GSTA4: variants seen among roughly 807,000 people sequenced by gnomAD.
The protein encoded by GSTA4 is glutathione S-transferase alpha 4, also known as glutathione S-transferase A4.
GSTA4 carries 15 observed loss-of-function variants against 24.4 expected under a neutral mutation model. The observed-to-expected ratio is 0.61, with a 90% CI of 0.41 to 0.95. The LOEUF (loss-of-function observed/expected upper bound fraction) is 0.95. GSTA4 is among the 40% of genes least tolerant of loss of function. GSTA4 has a pLI of 0.00. For synonymous variants in GSTA4, 92 were observed against 94.2 expected (o/e 0.98, Z 0.13); for missense variants, 244 against 262.1 (o/e 0.93, Z 0.48).
Position 52,978,172 on chromosome 6 carries a change from C to T in GSTA4, c.*298G>A, listed in dbSNP as rs1763380836. On this transcript the variant is annotated 3_prime_UTR_variant, in exon 7 of 7. Coordinates refer to ENST00000370963, the MANE Select transcript of GSTA4 (RefSeq NM_001512.4). ...AGACACTCAGGAGAGAACAAGAGATCCTGCCCATTCTTATTATGAGGATGA... is the reference window on the plus strand; with the variant it reads ...AGACACTCAGGAGAGAACAAGAGATTCTGCCCATTCTTATTATGAGGATGA... 1 of 312,766 alleles carries T rather than the reference C, an allele frequency of 3.2e-6. No homozygotes were observed. Among genetic ancestry groups the T allele is most frequent in the African/African-American group, 2.3e-5 (1 of 44,372 alleles). 19.4% of individuals were successfully genotyped at this position (312,766 alleles called of 1,614,324 possible).
intron 2 of GSTA4, among the ~76,000 whole-genome samples, chr6:52,991,255 G>A (rs1421659039): frequency 3.3e-5 from 5 of 152,156 alleles, no homozygotes; most frequent in Non-Finnish European, 7.4e-5. Context: ...ATAAACATAG[G>A]TGAAATGATG....
Position 52,985,498 on chromosome 6 carries a change from T to G in GSTA4, c.225A>C (p.Ile75=). Residue 75 remains isoleucine (I), a synonymous_variant, in exon 4 of 7, where the codon ATA becomes ATC. Coordinates refer to ENST00000370963, the MANE Select transcript of GSTA4 (RefSeq NM_001512.4). ...TGCCAAAGAGATTGTGCTTGTCTGC[T>G]ATGTAGTGGAGAATGCTTCGGGTCT... ...LVQTRSILHY[I]ADKHNLFGKN... is the part of the protein sequence containing the mutation. 6.2e-7 allele frequency: 1 copy of G among 1,614,098 alleles called. No homozygotes were observed. The highest frequency in any genetic ancestry group is 8.5e-7 in the Non-Finnish European group (1 of 1,179,936).
At position 52,984,565 on chromosome 6, in the gene GSTA4, G is replaced by T. The variant is rs1763517157; in HGVS notation, c.313C>A (p.Leu105Met). Residue 105 changes from leucine to methionine, a missense_variant, in exon 5 of 7, where the codon CTG (leucine) becomes ATG (methionine). Transcript: ENST00000370963. Reference protein sequence around the residue: ...YVEGTLDLLELLIMHPFLKPD... With the variant: ...YVEGTLDLLEMLIMHPFLKPD... ...TTTAAGAAAGGATGCATGATAAGCA[G>T]TTCCAGCAGATCCAGTGTCCCCTCC... The T allele has an allele frequency of 1.9e-6, 3 of 1,613,304 alleles. No individual in the cohort carries two copies. The highest frequency in any genetic ancestry group is 2.5e-6 in the Non-Finnish European group (3 of 1,179,346).
chr6:52,979,164 G>A (rs965810830), intron 6 of GSTA4, among the ~76,000 whole-genome samples: 6 of 152,288 alleles, frequency 3.9e-5, no homozygotes, highest in Admixed American at 3.3e-4. Flanking sequence ...TTTTTTAACA[G>A]TAGTCAATTT....
rs749259552 is a variant in GSTA4, at chr6:52,978,583, CTG to C, written c.554_555del (p.Thr185SerfsTer5). The C allele has an allele frequency of 7.1e-5, 114 of 1,603,112 alleles. No individual in the cohort carries two copies. The highest frequency in any genetic ancestry group is 1.7e-4 in the Middle Eastern group (1 of 6,060). ...LSAFPFLQEYTVKLSNIPTIK... is the reference protein window; with the variant it reads ...LSAFPFLQEYXVKLSNIPTIK... ...ATTGTAGGGATATTACTTAGTTTCA[CTG>C]TGTATTCCTGAAAAAGGAAAACCAA... On this transcript the variant is annotated frameshift_variant, in exon 7 of 7. Transcript: ENST00000370963. LOFTEE classifies it high-confidence loss of function.
At chr6:52,993,359 A>T (rs1763700591) in intron 2 of GSTA4, among the ~76,000 whole-genome samples, 1 of 152,250 alleles carries the variant, frequency 6.6e-6, no homozygotes, top group Admixed American at 6.5e-5. Flanking sequence ...ACCATTTTAA[A>T]TGTAATGCGT....
chr6:52,979,246 C>T (rs755043037), intron 6 of GSTA4, among the ~76,000 whole-genome samples: 13 of 152,284 alleles, frequency 8.5e-5, no homozygotes, highest in South Asian at 2.1e-4. Flanking sequence ...AAACACCACT[C>T]GGACTAGCCA....
In GSTA4 at chr6:52,978,494, G is replaced by T. The variant is rs375845535; in HGVS notation, c.645C>A (p.Thr215=). The change falls in exon 7 of 7, where the codon ACC becomes ACA. Residue 215 remains threonine, a synonymous_variant. Coordinates refer to ENST00000370963, the MANE Select transcript of GSTA4 (RefSeq NM_001512.4). ...TTTATGGCCTAAAGATGTTGTAGAC[G>T]GTTCTCACATAAATTTCATCAGGGG... is the stretch of plus-strand genomic sequence containing the variant. ...KPPPDEIYVR[T]VYNIFRP is the part of the protein sequence containing the mutation. 13 of 1,613,262 alleles carry T rather than the reference G, an allele frequency of 8.1e-6. No individual in the cohort carries two copies. Among genetic ancestry groups the T allele is most frequent in the Non-Finnish European group, 1.1e-5 (13 of 1,179,622 alleles).
chr6:52,994,292 A>AC (rs1200577884), intron 1 of GSTA4, 31 bp from the exon 2 acceptor site: 2 of 1,229,260 alleles, frequency 1.6e-6, no homozygotes, highest in South Asian at 1.2e-5. Context: ...CTCGTCGCAG[A>AC]CCAACAGTCC....
At chr6:52,986,490 C>T (rs143203489) in intron 3 of GSTA4, among the ~76,000 whole-genome samples, 1 of 152,140 alleles carries the variant, frequency 6.6e-6, no homozygotes, top group Non-Finnish European at 1.5e-5. Context: ...CAGAACAGAC[C>T]GTTTACTACC....
At position 52,985,523 on chromosome 6, in the gene GSTA4, T is replaced by C; in HGVS notation, c.200A>G (p.Gln67Arg). 1 of 1,614,012 alleles carries C rather than the reference T, an allele frequency of 6.2e-7. No homozygotes were observed. Among genetic ancestry groups the C allele is most frequent in the Non-Finnish European group, 8.5e-7 (1 of 1,179,840 alleles). The change falls in exon 4 of 7, where the codon CAG (glutamine) becomes CGG (arginine). Residue 67 changes from glutamine (Q) to arginine (R), a missense_variant. Transcript: ENST00000370963. Reference protein sequence around the residue: ...MVEIDGMKLVQTRSILHYIAD... With the variant: ...MVEIDGMKLVRTRSILHYIAD... ...TATGTAGTGGAGAATGCTTCGGGTC[T>C]GTACCAACTTCATCCCGTCAATTTC...
intron 2 of GSTA4, among the ~76,000 whole-genome samples, chr6:52,988,441 T>C (rs888881964): frequency 2.0e-5 from 3 of 152,160 alleles, no homozygotes; most frequent in African/African-American, 7.2e-5. Flanking sequence ...GGCTCCCCAG[T>C]GGAGAACACT....
intron 4 of GSTA4, 78 bp from the exon 5 acceptor site, chr6:52,984,683 CTTTT>C (rs11444456): frequency 2.3e-4 from 183 of 789,042 alleles, no homozygotes; most frequent in Middle Eastern, 3.2e-4. Flanking sequence ...ATTCAGAGTG[CTTTT>C]TTTTTTTTTT....
rs45547837 is a variant in GSTA4 at position 52,977,986 on chromosome 6, T to C, written c.*484A>G. 1,024 of 153,192 alleles carry C rather than the reference T, an allele frequency of 6.7e-3. 27 individuals are homozygous for C. The highest frequency in any genetic ancestry group is 3.4e-3 in the Non-Finnish European group (231 of 68,700). The allele number at this position is 153,192 out of a possible 1,614,324, so 9.5% of individuals were successfully genotyped here. A position where few individuals can be genotyped will look rare whatever the true frequency, so the allele number is the denominator to read the frequency against. ...ATAAATTCTTTATTTTGGCTAATAC[T>C]GATTGCATTCATTACTACCATTTTA... On this transcript the variant is annotated 3_prime_UTR_variant, in exon 7 of 7. Coordinates refer to ENST00000370963, the MANE Select transcript of GSTA4 (RefSeq NM_001512.4).
At chr6:52,992,710 T>C (rs1001152672) in intron 2 of GSTA4, among the ~76,000 whole-genome samples, 4 of 152,176 alleles carry the variant, frequency 2.6e-5, no homozygotes, top group African/African-American at 7.2e-5. Context: ...GTCAAGATGG[T>C]AAAATGAAGG....
At chr6:52,987,535 C>T (rs183025829) in intron 2 of GSTA4, 127 bp from the exon 3 acceptor site, 55 of 597,760 alleles carry the variant, frequency 9.2e-5, no homozygotes, top group African/African-American at 8.7e-4. Flanking sequence ...TGAAATAAGC[C>T]AGGCACAGAA....
intron 4 of GSTA4, 127 bp downstream of exon 4, chr6:52,985,324 G>T: frequency 1.3e-6 from 1 of 797,258 alleles, no homozygotes; most frequent in Non-Finnish European, 1.9e-6. Context: ...GACCTTCTTG[G>T]GTTTTTGTTC....
In GSTA4 at chr6:52,987,359, T is replaced by A; in HGVS notation, c.137A>T (p.Asp46Val). ...ETKEQLYKLQ[D>V]GNHLLFQQVP... ...AGTTGTTTCATTTTCATACTCACCA[T>A]CCTGCAACTTGTACAACTGTTCTTT... Residue 46 changes from aspartate (D) to valine (V), a missense_variant and splice_region_variant, in exon 3 of 7, where the codon GAT becomes GTT. Asp to Val is a radical substitution (Grantham distance 152). Coordinates refer to ENST00000370963, the MANE Select transcript of GSTA4 (RefSeq NM_001512.4). 2 of 1,583,768 alleles carry A rather than the reference T, an allele frequency of 1.3e-6. No individual in the cohort carries two copies. The highest frequency in any genetic ancestry group is 1.7e-6 in the Non-Finnish European group (2 of 1,156,958).
At chr6:52,978,698 G>A in intron 6 of GSTA4, 106 bp from the exon 7 acceptor site, 2 of 686,444 alleles carry the variant, frequency 2.9e-6, no homozygotes, top group South Asian at 3.9e-5. Context: ...ATAAATACTT[G>A]TTGAAGAGTT....
Sources: gnomAD v4.1 joint callset for allele counts (sites outside exome capture counted in the v4.1 genomes callset) on GRCh38, gnomAD v4.1.1 for gene constraint, MANE v1.5 for transcripts, NCBI Gene and HGNC (gene_info 2026-07-23, HGNC 2026-07-21) for gene names.